The following WDR73 variants were observed in gnomAD, a reference collection of about 807,000 sequenced individuals.
WDR73 encodes integrator complex assembly factor WDR73.
WDR73 carries 30 observed loss-of-function variants against 38.2 expected under a neutral mutation model. The observed-to-expected ratio is 0.79, with a 90% CI of 0.59 to 1.06. The LOEUF is 1.06. WDR73 is among the 50% of genes least tolerant of loss of function. The probability of loss-of-function intolerance (pLI) is 0.00; values close to 1 mark genes in which losing one functional copy is unlikely to be tolerated. For synonymous variants in WDR73, 197 were observed against 176.0 expected, an observed-to-expected ratio of 1.12 and a Z score of -0.94; for missense variants, 487 against 467.0, an observed-to-expected ratio of 1.04 and a Z score of -0.40.
intron 2 of WDR73, chr15:84,653,216 G>A: frequency 5.0e-6 from 1 of 201,576 alleles, no homozygotes; most frequent in South Asian, 8.5e-5. Context: ...TAGCCACGCT[G>A]GAATACAGTG....
chr15:84,645,093 G>A, intron 7 of WDR73: 1 of 680,072 alleles, frequency 1.5e-6, no homozygotes, highest in Non-Finnish European at 2.0e-6. Context: ...TGGGACTACA[G>A]GCGCCTGCCA....
chr15:84,649,848 A>T (rs1753920358), intron 3 of WDR73, among the ~76,000 whole-genome samples: 1 of 152,170 alleles, frequency 6.6e-6, no homozygotes, highest in South Asian at 2.1e-4. Flanking sequence ...AGGCTCAAGC[A>T]GTCCACCGCC....
intron 1 of WDR73, chr15:84,653,915 G>C (rs994945972): frequency 6.6e-6 from 4 of 605,034 alleles, no homozygotes; most frequent in African/African-American, 5.6e-5. Context: ...AGGGTACCCA[G>C]ATTTCCCAAG....
Position 84,640,448 on chromosome 15 carries a change from G to A in WDR73, c.*3022C>T, listed in dbSNP as rs1243736895. On this transcript the variant is annotated 3_prime_UTR_variant, in exon 8 of 8. Transcript: ENST00000434634. ...GCTCTTGCTCTGCTCTTTAGCCAAG[G>A]AGTCTCCCTTCCTGCCTTCAGTAAC... 5 of 152,240 alleles carry A rather than the reference G, an allele frequency of 3.3e-5. No homozygotes were observed. Among genetic ancestry groups the A allele is most frequent in the African/African-American group, 4.8e-5 (2 of 41,454 alleles). 9.4% of individuals were successfully genotyped at this position (152,240 alleles called of 1,614,324 possible).
At chr15:84,644,768 G>C (rs956550566) in intron 7 of WDR73, 1 of 150,596 alleles carries the variant, frequency 6.6e-6, no homozygotes, top group Non-Finnish European at 1.5e-5. Context: ...TCATAGAGAC[G>C]GGGTTTCACC....
At chr15:84,647,593 T>G in intron 5 of WDR73, 1 of 348,860 alleles carries the variant, frequency 2.9e-6, no homozygotes, top group Non-Finnish European at 5.4e-6. Context: ...GCCTCCCAGG[T>G]TCAAGCAATT....
chr15:84,653,076 G>A (rs1183158003), intron 2 of WDR73: 1 of 321,056 alleles, frequency 3.1e-6, no homozygotes, highest in Non-Finnish European at 5.7e-6. Flanking sequence ...GAGCCACCAT[G>A]CTCGGCTAAT....
In WDR73 at chr15:84,652,724, T is replaced by G. The variant is rs919005553; in HGVS notation, c.188A>C (p.Lys63Thr). The G allele has an allele frequency of 1.3e-6, 2 of 1,512,060 alleles. No individual in the cohort carries two copies. 93.7% of individuals were successfully genotyped at this position (1,512,060 alleles called of 1,614,324 possible). Residue 63 changes from lysine to threonine, a missense_variant, in exon 3 of 8, where the codon AAG becomes ACG. Coordinates refer to ENST00000434634, the MANE Select transcript of WDR73 (RefSeq NM_032856.5). ...HLKLPLRLSV[K>T]ENKGLFPERD... is the part of the protein sequence containing the mutation. ...TATATTTTAAGTTACCTTGTTTTCCTTTACAGAAAGTCTGAGAGGTAATTT... is the reference window on the plus strand; with the variant it reads ...TATATTTTAAGTTACCTTGTTTTCCGTTACAGAAAGTCTGAGAGGTAATTT...
At position 84,645,448 on chromosome 15, in the gene WDR73, G is replaced by A. The variant is rs894056067; in HGVS notation, c.883+23C>T. 3 of 1,609,886 alleles carry A rather than the reference G, an allele frequency of 1.9e-6. No individual in the cohort carries two copies. The African/African-American group carries it at 4.0e-5, about 22-fold the overall frequency. On this transcript the variant is annotated intron_variant, in intron 7 of 7. Transcript: ENST00000434634. ...CTGGAAGAAAGAGATCAGATAACAAGACGAAATCCTGCTCGGCAGTACCTG... is the reference window on the plus strand; with the variant it reads ...CTGGAAGAAAGAGATCAGATAACAAAACGAAATCCTGCTCGGCAGTACCTG...
At chr15:84,647,397 TTACAG>T in intron 5 of WDR73, 1 of 163,344 alleles carries the variant, frequency 6.1e-6, no homozygotes, top group Admixed American at 5.9e-5. Flanking sequence ...CAGGAGCAGG[TTACAG>T]GAAGCTCCAT....
chr15:84,643,247 T>G lies in WDR73; in HGVS notation c.*223A>C, dbSNP rs1596047415. On this transcript the variant is annotated 3_prime_UTR_variant, in exon 8 of 8. Coordinates refer to ENST00000434634, the MANE Select transcript of WDR73 (RefSeq NM_032856.5). ...AGATCTAACAATAGCTACCAAGTAA[T>G]TATGCCATGCGTTTCTTCTAACCTT... is the stretch of plus-strand genomic sequence containing the variant. 1 of 574,740 alleles carries G rather than the reference T, an allele frequency of 1.7e-6. No individual in the cohort carries two copies. Among genetic ancestry groups the G allele is most frequent in the East Asian group, 2.9e-5 (1 of 34,418 alleles). 35.6% of individuals were successfully genotyped at this position (574,740 alleles called of 1,614,324 possible).
chr15:84,645,746 A>G lies in WDR73; in HGVS notation c.608T>C (p.Val203Ala), dbSNP rs558879576. The change falls in exon 7 of 8, where the codon GTT (valine) becomes GCT (alanine). Residue 203 changes from valine (V) to alanine (A), a missense_variant. Physicochemically the swap from Val to Ala is moderately conservative, Grantham distance 64. Coordinates refer to ENST00000434634, the MANE Select transcript of WDR73 (RefSeq NM_032856.5). ...FCCASGRLGL[V>A]DTRQKWAPLE... ...CGGTGCCCACTTCTGCCGGGTGTCA[A>G]CAAGCCCCAGCCGGCCTGAAGCACA... is the stretch of plus-strand genomic sequence containing the variant. 9.3e-6 allele frequency: 15 copies of G among 1,611,524 alleles called. No homozygotes were observed. Among genetic ancestry groups the G allele is most frequent in the African/African-American group, 1.3e-5 (1 of 75,008 alleles).
intron 2 of WDR73, 81 bp downstream of exon 2, chr15:84,653,551 T>G (rs988643394): frequency 2.5e-5 from 26 of 1,051,236 alleles, no homozygotes; most frequent in Non-Finnish European, 3.6e-5. Flanking sequence ...GAAGAGTGGG[T>G]TGGGTCCCTC....
intron 5 of WDR73, chr15:84,646,581 G>C (rs1896471541): frequency 5.7e-6 from 3 of 527,676 alleles, no homozygotes; most frequent in Admixed American, 3.9e-5. Flanking sequence ...TTTGCAAATG[G>C]AAGACAATGC....
intron 5 of WDR73, chr15:84,647,519 G>A (rs989929013): frequency 2.7e-5 from 5 of 185,330 alleles, no homozygotes; most frequent in Non-Finnish European, 4.5e-5. Flanking sequence ...TTTTGGAGAC[G>A]GAGTTTTGCT....
chr15:84,645,429 G>T (rs763271008), intron 7 of WDR73, 42 bp downstream of exon 7: 3 of 1,606,620 alleles, frequency 1.9e-6, no homozygotes, highest in Non-Finnish European at 2.6e-6. Flanking sequence ...TCTCCTGGAA[G>T]AAAGAGATCA....
chr15:84,650,797 G>A (rs923787146), intron 3 of WDR73, among the ~76,000 whole-genome samples: 8 of 151,950 alleles, frequency 5.3e-5, no homozygotes, highest in East Asian at 1.9e-4. Context: ...CACCGCACTC[G>A]GATTGTTTCC....
Position 84,640,725 on chromosome 15 carries a change from A to C in WDR73, c.*2745T>G, listed in dbSNP as rs1896232920. On this transcript the variant is annotated 3_prime_UTR_variant, in exon 8 of 8. Transcript: ENST00000434634. ...GAAAAATAATAATATTATTAAAAGAATTTAAAATAAAGTGTTCCATAGATG... is the reference window on the plus strand; with the variant it reads ...GAAAAATAATAATATTATTAAAAGACTTTAAAATAAAGTGTTCCATAGATG... 1 of 152,174 alleles carries C rather than the reference A, an allele frequency of 6.6e-6. No individual in the cohort carries two copies. Among genetic ancestry groups the C allele is most frequent in the South Asian group, 2.1e-4 (1 of 4,826 alleles). The allele number at this position is 152,174 out of a possible 1,614,324, so 9.4% of individuals were successfully genotyped here.
At chr15:84,647,619 C>A (rs1380455182) in intron 5 of WDR73, 5 of 433,786 alleles carry the variant, frequency 1.2e-5, no homozygotes, top group Admixed American at 3.5e-5. Flanking sequence ...GCCTCAGTCT[C>A]CCCAGTAGCA....
Sources: allele counts gnomAD v4.1 joint callset (sites outside exome capture counted in the v4.1 genomes callset), GRCh38; gene constraint gnomAD v4.1.1; transcripts MANE v1.5; gene names NCBI Gene and HGNC (gene_info 2026-07-23, HGNC 2026-07-21).